IQCH: variants seen among roughly 807,000 people sequenced by gnomAD.
IQCH encodes the protein IQ motif containing H, also known as IQ domain-containing protein H.
IQCH carries 98 observed loss-of-function variants against 117.0 expected under a neutral mutation model. That is an observed-to-expected ratio of 0.84 (90% confidence interval 0.71 to 0.99). The LOEUF (loss-of-function observed/expected upper bound fraction) is 0.99, where lower values mean the gene tolerates loss of function less well. Ranked by LOEUF, IQCH falls within the 50% of genes least tolerant of loss-of-function variation. The probability of loss-of-function intolerance (pLI) is 0.00; values close to 1 mark genes in which losing one functional copy is unlikely to be tolerated. For missense variants in IQCH, 1,102 were observed against 1,243.8 expected, an observed-to-expected ratio of 0.89 and a Z score of 1.72; for synonymous variants, 412 against 448.2, an observed-to-expected ratio of 0.92 and a Z score of 1.02.
At chr15:67,444,083 T>TC (rs139107736) in intron 16 of IQCH, among the ~76,000 whole-genome samples, 21,752 of 152,108 alleles carry the variant, frequency 0.14, 1,859 homozygotes, top group African/African-American at 0.23. Flanking sequence ...TGTAAGTATC[T>TC]CCCCCCACAA....
At chr15:67,350,668 C>T (rs1222666746) in intron 6 of IQCH, among the ~76,000 whole-genome samples, 1 of 152,116 alleles carries the variant, frequency 6.6e-6, no homozygotes, top group African/African-American at 2.4e-5. Flanking sequence ...CCTCGTGATC[C>T]ACTCGCCTAG....
Position 67,400,167 on chromosome 15 carries a change from G to T in IQCH, c.1959G>T (p.Trp653Cys), listed in dbSNP as rs372815672. ...LITDHLQIQR[W>C]LFKMDSEFRG... is the part of the protein sequence containing the mutation. ...CTGATCACCTGCAAATACAGCGTTG[G>T]CTCTTTAAAATGGACTCTGAGTTCC... The change falls in exon 14 of 21, where the codon TGG (tryptophan) becomes TGT (cysteine). Residue 653 changes from tryptophan (W) to cysteine (C), a missense_variant. Trp to Cys is a radical substitution (Grantham distance 215). This residue lies in a region of IQCH where 650 missense variants were observed against 794.3 expected (regional missense o/e 0.82). Transcript: ENST00000335894. 2.7e-5 allele frequency: 44 copies of T among 1,613,764 alleles called. No individual in the cohort carries two copies. Among genetic ancestry groups the T allele is most frequent in the African/African-American group, 4.0e-5 (3 of 74,906 alleles).
chr15:67,392,002 T>A (rs1408168922), intron 12 of IQCH, among the ~76,000 whole-genome samples: 1 of 152,192 alleles, frequency 6.6e-6, no homozygotes, highest in African/African-American at 2.4e-5. Flanking sequence ...ACCAGATCTT[T>A]ACTACTCACT....
intron 3 of IQCH, among the ~76,000 whole-genome samples, chr15:67,277,015 G>C (rs149513913): frequency 6.6e-6 from 1 of 151,940 alleles, no homozygotes; most frequent in African/African-American, 2.4e-5. Context: ...TCATCTTTGC[G>C]TTTCACTTTG....
chr15:67,418,870 G>A lies in IQCH; in HGVS notation c.2218+1819G>A, dbSNP rs891779617. Among the ~76,000 whole-genome samples the A allele has an allele frequency of 4.0e-5, 6 of 151,598 alleles. No homozygotes were observed. The East Asian group carries it at 5.8e-4, about 15-fold the overall frequency. ...TGGGATTACAGGCGTGAGCCACTAC[G>A]CCCAGCCTAATAAGGTTTTTTTTTT... On this transcript the variant is annotated intron_variant, in intron 15 of 20. Transcript: ENST00000335894.
rs920119303 is a variant in IQCH at position 67,401,967 on chromosome 15, T to C, written c.2097+1662T>C. 6.6e-6 allele frequency among the ~76,000 whole-genome samples: 1 copy of C among 152,174 alleles called. No individual in the cohort carries two copies. The highest frequency in any genetic ancestry group is 1.5e-5 in the Non-Finnish European group (1 of 68,022). ...CATTGAAGTGTTAATGTGCAAAGTA[T>C]TTGTTGGCTTCAGTATTTCAAACCA... On this transcript the variant is annotated intron_variant, in intron 14 of 20. Transcript: ENST00000335894. This position sits in a 1 kb window ranked among gnomAD's most constrained non-coding sequence, Gnocchi z 4.7.
chr15:67,440,199 A>G (rs182875744), intron 16 of IQCH, among the ~76,000 whole-genome samples: 116 of 152,316 alleles, frequency 7.6e-4, no homozygotes, highest in Non-Finnish European at 1.3e-3. Flanking sequence ...CAGAACTATA[A>G]CAAGCAAAGA....
chr15:67,327,524 T>C (rs951321684), intron 4 of IQCH, among the ~76,000 whole-genome samples: 3 of 152,226 alleles, frequency 2.0e-5, no homozygotes, highest in African/African-American at 7.2e-5. Context: ...GCCTACTTTT[T>C]CTTTTTACTG....
At chr15:67,484,696 A>T (rs2141072623) in intron 18 of IQCH, among the ~76,000 whole-genome samples, 1 of 151,944 alleles carries the variant, frequency 6.6e-6, no homozygotes, top group Middle Eastern at 3.4e-3. Flanking sequence ...AGCCGAGATC[A>T]TGCCATTGCA....
At position 67,349,704 on chromosome 15, in the gene IQCH, G is replaced by C. The variant is rs182566751; in HGVS notation, c.637+5513G>C. Among the ~76,000 whole-genome samples the C allele has an allele frequency of 6.6e-4, 99 of 150,130 alleles. No homozygotes were observed. The East Asian group carries it at 0.018, about 28-fold the overall frequency. ...TGTATTTTTATCCAGAACATATAAA[G>C]ACTCTTAAAACTCAGTGATAAGAAA... On this transcript the variant is annotated intron_variant, in intron 6 of 20. Transcript: ENST00000335894.
At chr15:67,363,614 G>A (rs961285019) in intron 8 of IQCH, among the ~76,000 whole-genome samples, 1 of 152,078 alleles carries the variant, frequency 6.6e-6, no homozygotes, top group East Asian at 1.9e-4. Context: ...GTATTAATAA[G>A]CTGTGTGTCA....
chr15:67,367,832 C>T (rs1200218488), intron 8 of IQCH, among the ~76,000 whole-genome samples: 1 of 152,080 alleles, frequency 6.6e-6, no homozygotes. Flanking sequence ...ACTTATTCTC[C>T]TTCCTTTGGT....
intron 20 of IQCH, among the ~76,000 whole-genome samples, chr15:67,497,074 G>T (rs1043844877): frequency 6.6e-6 from 1 of 150,840 alleles, no homozygotes; most frequent in African/African-American, 2.4e-5. Context: ...TTTGCAAGTG[G>T]CAAATTCTTG....
chr15:67,375,609 A>G (rs1437874964), intron 10 of IQCH, among the ~76,000 whole-genome samples: 1 of 152,120 alleles, frequency 6.6e-6, no homozygotes, highest in African/African-American at 2.4e-5. Flanking sequence ...GTTTGTTAAC[A>G]ACATGATACC....
rs1361006770 is a variant in IQCH, at chr15:67,456,808, G to A, written c.2506-8319G>A. 3.9e-5 allele frequency among the ~76,000 whole-genome samples: 6 copies of A among 151,990 alleles called. No homozygotes were observed. Among genetic ancestry groups the A allele is most frequent in the Non-Finnish European group, 7.4e-5 (5 of 68,002 alleles). Reference sequence around the variant, plus strand: ...TGAAAATCACGGAAGTCTTAGGTACGCCTGGCCCTGAGTGCTAAGTGGTGG... The same window carrying A: ...TGAAAATCACGGAAGTCTTAGGTACACCTGGCCCTGAGTGCTAAGTGGTGG... On this transcript the variant is annotated intron_variant, in intron 16 of 20. Transcript: ENST00000335894. The surrounding 1 kb of genome is among the most constrained non-coding windows in gnomAD (Gnocchi z 5.1).
At chr15:67,437,918 A>G (rs760151189) in intron 16 of IQCH, among the ~76,000 whole-genome samples, 28 of 152,144 alleles carry the variant, frequency 1.8e-4, no homozygotes, top group Non-Finnish European at 3.5e-4. Flanking sequence ...ACCAAACCGG[A>G]GAATAATCAG....
intron 14 of IQCH, among the ~76,000 whole-genome samples, chr15:67,409,028 C>A (rs1657291396): frequency 6.6e-6 from 1 of 152,276 alleles, no homozygotes; most frequent in Non-Finnish European, 1.5e-5. Flanking sequence ...TTTTTAATAT[C>A]ATTCCCCAAA....
rs2082669563 is a variant in IQCH, at chr15:67,456,882, T to C, written c.2506-8245T>C. ...TACCCCACCCACTCCAAACACCCCATAGAAGGCAGTGTCCAAGGGGATTGG... is the reference window on the plus strand; with the variant it reads ...TACCCCACCCACTCCAAACACCCCACAGAAGGCAGTGTCCAAGGGGATTGG... On this transcript the variant is annotated intron_variant, in intron 16 of 20. Transcript: ENST00000335894. The surrounding 1 kb of genome is among the most constrained non-coding windows in gnomAD (Gnocchi z 5.1). 6.6e-6 allele frequency among the ~76,000 whole-genome samples: 1 copy of C among 152,052 alleles called. No homozygotes were observed. The highest frequency in any genetic ancestry group is 6.6e-5 in the Admixed American group (1 of 15,264).
In IQCH at chr15:67,342,186, T is replaced by C. The variant is rs1969204678; in HGVS notation, c.509-1877T>C. On this transcript the variant is annotated intron_variant, in intron 5 of 20. Coordinates refer to ENST00000335894, the MANE Select transcript of IQCH (RefSeq NM_001031715.3). The surrounding 1 kb of genome is among the most constrained non-coding windows in gnomAD (Gnocchi z 4.7). ...CAAGGATAAGGCAGGAGGATCACTT[T>C]AGCCCAGGTATTCAAGGGTGCAGTG... Among the ~76,000 whole-genome samples, 1 of 151,694 alleles carries C rather than the reference T, an allele frequency of 6.6e-6. No homozygotes were observed. The highest frequency in any genetic ancestry group is 6.6e-5 in the Admixed American group (1 of 15,214).
Sources: gnomAD v4.1 joint callset for allele counts (sites outside exome capture counted in the v4.1 genomes callset) on GRCh38, gnomAD v4.1.1 for gene constraint, gnomAD v4.1.1 regional missense constraint, Gnocchi (gnomAD v3.1) non-coding constraint, MANE v1.5 for transcripts, NCBI Gene and HGNC (gene_info 2026-07-23, HGNC 2026-07-21) for gene names.